DCC: variants seen among roughly 807,000 people sequenced by gnomAD.
DCC encodes netrin receptor DCC.
In DCC, 58 loss-of-function variants were observed where a neutral mutation model predicts 172.5. The ratio of observed to expected loss-of-function variants is 0.34; its 90% CI spans 0.27 to 0.42. The LOEUF is 0.42. DCC is among the 10% of genes least tolerant of loss of function. The pLI is 1.00. For synonymous variants in DCC, 709 were observed against 644.5 expected, an observed-to-expected ratio of 1.10 and a Z score of -1.52; for missense variants, 1,740 against 1,791.0, an observed-to-expected ratio of 0.97 and a Z score of 0.51.
intron 1 of DCC, among the ~76,000 whole-genome samples, chr18:52,664,615 C>T (rs1009873335): frequency 2.6e-5 from 4 of 151,310 alleles, no homozygotes; most frequent in Non-Finnish European, 4.4e-5. Flanking sequence ...GGACTACAGG[C>T]GCCCGCCACC....
At chr18:53,284,526 G>T (rs991031031) in intron 12 of DCC, among the ~76,000 whole-genome samples, 1 of 152,070 alleles carries the variant, frequency 6.6e-6, no homozygotes, top group Admixed American at 6.6e-5. Flanking sequence ...TGACTGTGAG[G>T]TCTCCCAGCC....
chr18:53,041,333 G>A (rs928733284), intron 5 of DCC, among the ~76,000 whole-genome samples: 3 of 151,936 alleles, frequency 2.0e-5, no homozygotes, highest in Non-Finnish European at 4.4e-5. Flanking sequence ...TAGATGTGGT[G>A]TTATTTCTGA....
Position 52,905,581 on chromosome 18 carries a change from C to T in DCC, c.413-463C>T, listed in dbSNP as rs577669379. On this transcript the variant is annotated intron_variant, in intron 2 of 28. Coordinates refer to ENST00000442544, the MANE Select transcript of DCC (RefSeq NM_005215.4). ...AGCTGCTCTAGGTCATGCCGTATGA[C>T]GAGTCCTTCATGAATCTTCATGACT... 1.4e-4 allele frequency among the ~76,000 whole-genome samples: 21 copies of T among 152,248 alleles called. 1 individual carries two copies. The highest frequency in any genetic ancestry group is 4.3e-4 in the African/African-American group (18 of 41,548).
At chr18:53,426,670 A>C (rs779132236) in intron 21 of DCC, among the ~76,000 whole-genome samples, 1 of 151,552 alleles carries the variant, frequency 6.6e-6, no homozygotes, top group Non-Finnish European at 1.5e-5. Context: ...AATTTTTGGA[A>C]ATTACCATAT....
At chr18:52,835,946 CTG>C (rs1034764052) in intron 2 of DCC, among the ~76,000 whole-genome samples, 1 of 152,108 alleles carries the variant, frequency 6.6e-6, no homozygotes, top group Non-Finnish European at 1.5e-5. Context: ...ATATCCGAGA[CTG>C]AGTAATTTAT....
At chr18:53,245,913 G>A (rs1449825869) in intron 12 of DCC, among the ~76,000 whole-genome samples, 1 of 152,012 alleles carries the variant, frequency 6.6e-6, no homozygotes, top group East Asian at 1.9e-4. Flanking sequence ...GCTACCTCAG[G>A]TTGTAAGCCT....
intron 2 of DCC, among the ~76,000 whole-genome samples, chr18:52,868,847 G>A (rs751927836): frequency 3.3e-5 from 5 of 152,220 alleles, no homozygotes; most frequent in Non-Finnish European, 5.9e-5. Flanking sequence ...ACTGCACACA[G>A]TCAGACACAC....
chr18:53,029,679 T>A (rs1599044883), intron 5 of DCC, among the ~76,000 whole-genome samples: 2 of 152,230 alleles, frequency 1.3e-5, no homozygotes, highest in African/African-American at 4.8e-5. Context: ...ATTGTTTTAT[T>A]TGATTTTGAT....
At chr18:53,321,632 G>T (rs976416008) in intron 13 of DCC, among the ~76,000 whole-genome samples, 1 of 151,738 alleles carries the variant, frequency 6.6e-6, no homozygotes, top group Non-Finnish European at 1.5e-5. Flanking sequence ...CTTGATTTTT[G>T]GCCTAAAGAA....
intron 5 of DCC, among the ~76,000 whole-genome samples, chr18:53,002,158 A>G (rs1482545705): frequency 6.6e-6 from 1 of 152,026 alleles, no homozygotes; most frequent in East Asian, 1.9e-4. Context: ...ACGTCTTAAC[A>G]CTATGTTTGT....
chr18:52,832,165 A>C (rs1400390221), intron 2 of DCC, among the ~76,000 whole-genome samples: 1 of 152,156 alleles, frequency 6.6e-6, no homozygotes, highest in Non-Finnish European at 1.5e-5. Flanking sequence ...TTTCCTTTAC[A>C]TGATGGCACC....
At chr18:52,769,115 TCACTCC>T (rs1252011140) in intron 2 of DCC, among the ~76,000 whole-genome samples, 1 of 152,224 alleles carries the variant, frequency 6.6e-6, no homozygotes, top group African/African-American at 2.4e-5. Context: ...GAGAATTATT[TCACTCC>T]CACCTAATTG....
chr18:52,699,221 C>A (rs2036064599), intron 1 of DCC, among the ~76,000 whole-genome samples: 3 of 152,150 alleles, frequency 2.0e-5, no homozygotes, highest in Admixed American at 2.0e-4. Flanking sequence ...TACAGGCTAA[C>A]TTTATGACCG....
intron 1 of DCC, among the ~76,000 whole-genome samples, chr18:52,669,244 A>G (rs1723459772): frequency 6.6e-6 from 1 of 152,326 alleles, no homozygotes; most frequent in African/African-American, 2.4e-5. Context: ...AGATCCATCA[A>G]GTGCAGAGTC....
At chr18:53,284,785 T>A (rs1274659080) in intron 12 of DCC, among the ~76,000 whole-genome samples, 1 of 152,106 alleles carries the variant, frequency 6.6e-6, no homozygotes, top group Non-Finnish European at 1.5e-5. Flanking sequence ...AGAAACTTGT[T>A]AAGTGGCTTT....
At chr18:53,066,800 A>G (rs140062603) in intron 7 of DCC, among the ~76,000 whole-genome samples, 1 of 152,110 alleles carries the variant, frequency 6.6e-6, no homozygotes, top group Admixed American at 6.6e-5. Flanking sequence ...TAATTGGCTC[A>G]TGGTTCCACA....
At chr18:53,486,709 G>A in intron 25 of DCC, 88 bp from the exon 26 acceptor site, 9 of 1,565,284 alleles carry the variant, frequency 5.7e-6, no homozygotes, top group Non-Finnish European at 7.9e-6. Flanking sequence ...GTATAGATTT[G>A]AGGATCTGAA....
intron 12 of DCC, among the ~76,000 whole-genome samples, chr18:53,302,566 G>C (rs2057154019): frequency 6.6e-6 from 1 of 151,282 alleles, no homozygotes; most frequent in African/African-American, 2.4e-5. Context: ...TTTTTTTTCA[G>C]ACTGCACTCT....
intron 1 of DCC, among the ~76,000 whole-genome samples, chr18:52,588,358 G>A (rs1403485356): frequency 6.6e-6 from 1 of 152,172 alleles, no homozygotes; most frequent in African/African-American, 2.4e-5. Context: ...GCCTTCTCCT[G>A]TTCTGGACCC....
Sources: gnomAD v4.1 joint callset for allele counts (sites outside exome capture counted in the v4.1 genomes callset) on GRCh38, gnomAD v4.1.1 for gene constraint, MANE v1.5 for transcripts, NCBI Gene and HGNC (gene_info 2026-07-23, HGNC 2026-07-21) for gene names.